IMMP2L: variants seen among roughly 807,000 people sequenced by gnomAD.
IMMP2L encodes the protein inner mitochondrial membrane peptidase subunit 2, also known as mitochondrial inner membrane protease subunit 2.
In IMMP2L, 18 loss-of-function variants were observed where a neutral mutation model predicts 19.3. That is an observed-to-expected ratio of 0.93 (90% CI 0.64 to 1.38). The LOEUF (loss-of-function observed/expected upper bound fraction) is 1.38. IMMP2L is among the 40% of genes most tolerant of loss of function. The probability of loss-of-function intolerance (pLI) is 0.00; values close to 1 mark genes in which losing one functional copy is unlikely to be tolerated. For synonymous variants in IMMP2L, 76 were observed against 73.0 expected (o/e 1.04, Z -0.21); for missense variants, 233 against 218.2 (o/e 1.07, Z -0.43).
At chr7:111,181,760 T>A (rs1311895934) in intron 3 of IMMP2L, among the ~76,000 whole-genome samples, 2 of 152,002 alleles carry the variant, frequency 1.3e-5, no homozygotes, top group African/African-American at 4.8e-5. Flanking sequence ...TGACCGTAAC[T>A]ATTTTCAACG....
chr7:111,528,501 A>G (rs936327834), intron 1 of IMMP2L, among the ~76,000 whole-genome samples: 1 of 152,210 alleles, frequency 6.6e-6, no homozygotes, highest in African/African-American at 2.4e-5. Context: ...AAGTGAAACC[A>G]TATTTGCCAC....
At chr7:110,884,974 C>T (rs935237480) in intron 5 of IMMP2L, among the ~76,000 whole-genome samples, 2 of 151,924 alleles carry the variant, frequency 1.3e-5, no homozygotes, top group African/African-American at 4.8e-5. Flanking sequence ...AAAGTGGCTG[C>T]TCCATTAGTG....
At chr7:111,081,544 T>C (rs576451295) in intron 3 of IMMP2L, among the ~76,000 whole-genome samples, 19 of 152,354 alleles carry the variant, frequency 1.2e-4, no homozygotes, top group African/African-American at 4.3e-4. Context: ...CTCTGGGCTA[T>C]GAGTCCAAAG....
At chr7:110,997,744 T>C (rs1823195682) in intron 3 of IMMP2L, among the ~76,000 whole-genome samples, 1 of 152,166 alleles carries the variant, frequency 6.6e-6, no homozygotes, top group Non-Finnish European at 1.5e-5. Flanking sequence ...GAGTTCTTCA[T>C]ATATTCTAGA....
At chr7:111,159,393 T>G (rs1389480773) in intron 3 of IMMP2L, among the ~76,000 whole-genome samples, 1 of 152,070 alleles carries the variant, frequency 6.6e-6, no homozygotes. Flanking sequence ...GGATTACAAG[T>G]GTGAGCTCCC....
At chr7:111,369,590 G>C (rs908906005) in intron 3 of IMMP2L, among the ~76,000 whole-genome samples, 1 of 151,684 alleles carries the variant, frequency 6.6e-6, no homozygotes, top group African/African-American at 2.4e-5. Context: ...TATATCAATA[G>C]AAAAGTATTG....
At chr7:111,407,348 G>T (rs1202920120) in intron 3 of IMMP2L, among the ~76,000 whole-genome samples, 1 of 151,772 alleles carries the variant, frequency 6.6e-6, no homozygotes, top group Non-Finnish European at 1.5e-5. Context: ...TCTACGGAAA[G>T]AATTATAAAA....
intron 5 of IMMP2L, among the ~76,000 whole-genome samples, chr7:110,692,145 T>C (rs1793548752): frequency 6.6e-6 from 1 of 152,138 alleles, no homozygotes; most frequent in Non-Finnish European, 1.5e-5. Context: ...CATGGAATAC[T>C]ACTCAGCCAT....
At chr7:110,684,849 G>T (rs1562914723) in intron 5 of IMMP2L, among the ~76,000 whole-genome samples, 2 of 152,036 alleles carry the variant, frequency 1.3e-5, no homozygotes, top group Non-Finnish European at 2.9e-5. Context: ...AGTAGAACCT[G>T]CCCTGCCTAT....
chr7:111,306,218 T>C (rs894433627), intron 3 of IMMP2L, among the ~76,000 whole-genome samples: 1 of 152,196 alleles, frequency 6.6e-6, no homozygotes, highest in Non-Finnish European at 1.5e-5. Context: ...CTACCCTATA[T>C]ACTCTAGCAG....
chr7:111,030,424 A>G (rs1260924418), intron 3 of IMMP2L, among the ~76,000 whole-genome samples: 2 of 152,172 alleles, frequency 1.3e-5, no homozygotes, highest in Non-Finnish European at 2.9e-5. Context: ...CAGATGATAT[A>G]CTTAGTTTTA....
intron 4 of IMMP2L, among the ~76,000 whole-genome samples, chr7:110,919,213 A>G (rs1813979869): frequency 1.0e-5 from 1 of 99,540 alleles, no homozygotes; most frequent in Admixed American, 9.1e-5. Context: ...TTATTTCACT[A>G]CTTTAAGTGT....
intron 5 of IMMP2L, among the ~76,000 whole-genome samples, chr7:110,786,174 T>C (rs1055270186): frequency 6.6e-6 from 1 of 151,982 alleles, no homozygotes; most frequent in Non-Finnish European, 1.5e-5. Context: ...ATAAAGAAAT[T>C]AGTTTAGTCT....
chr7:111,241,253 G>A (rs1028524250), intron 3 of IMMP2L, among the ~76,000 whole-genome samples: 2 of 151,774 alleles, frequency 1.3e-5, no homozygotes, highest in Admixed American at 6.6e-5. Context: ...CTCGTTTGAG[G>A]AATATATAAT....
At position 110,897,812 on chromosome 7, in the gene IMMP2L, A is replaced by C. The variant is rs190344152; in HGVS notation, c.306-11117T>G. ...GAGATTTTTTCAAAAATTATCGAATAGAAAAGCAGAAAAGCACATGATATG... is the reference window on the plus strand; with the variant it reads ...GAGATTTTTTCAAAAATTATCGAATCGAAAAGCAGAAAAGCACATGATATG... On this transcript the variant is annotated intron_variant, in intron 4 of 5. Transcript: ENST00000405709. Among the ~76,000 whole-genome samples the C allele has an allele frequency of 8.5e-5, 13 of 152,302 alleles. No individual in the cohort carries two copies. In the East Asian group the frequency reaches 2.1e-3, roughly 25 times the overall value.
At chr7:110,967,232 A>G (rs541486383) in intron 3 of IMMP2L, among the ~76,000 whole-genome samples, 1 of 152,088 alleles carries the variant, frequency 6.6e-6, no homozygotes, top group South Asian at 2.1e-4. Flanking sequence ...ACATAATAGA[A>G]TTTCCAGTCT....
chr7:111,052,741 C>CT (rs1793114109), intron 3 of IMMP2L, among the ~76,000 whole-genome samples: 1 of 152,060 alleles, frequency 6.6e-6, no homozygotes, highest in Non-Finnish European at 1.5e-5. Flanking sequence ...TAGAGTTTGA[C>CT]TTTTTTTTGG....
chr7:111,528,071 T>C (rs1847049254), intron 1 of IMMP2L, among the ~76,000 whole-genome samples: 1 of 152,138 alleles, frequency 6.6e-6, no homozygotes, highest in Non-Finnish European at 1.5e-5. Context: ...CATTCATACA[T>C]GAAGAAATGA....
chr7:111,488,803 A>C (rs948539508), intron 2 of IMMP2L, among the ~76,000 whole-genome samples: 2 of 152,080 alleles, frequency 1.3e-5, no homozygotes, highest in African/African-American at 4.8e-5. Flanking sequence ...TGGTTGTACT[A>C]GTTTACATTG....
Sources: allele counts gnomAD v4.1 joint callset (sites outside exome capture counted in the v4.1 genomes callset), GRCh38; gene constraint gnomAD v4.1.1; transcripts MANE v1.5; gene names NCBI Gene and HGNC (gene_info 2026-07-23, HGNC 2026-07-21).